The following HOMER1 variants were observed in gnomAD, a reference collection of about 807,000 sequenced individuals.
HOMER1 encodes homer scaffold protein 1, also known as homer protein homolog 1.
In HOMER1, 3 loss-of-function variants were observed where a neutral mutation model predicts 48.9. That is an observed-to-expected ratio of 0.06 (90% CI 0.03 to 0.16). The LOEUF (loss-of-function observed/expected upper bound fraction) is 0.16. HOMER1 is among the 10% of genes least tolerant of loss of function. The pLI is 1.00. For synonymous variants in HOMER1, 134 were observed against 146.4 expected, an observed-to-expected ratio of 0.92 and a Z score of 0.61; for missense variants, 247 against 411.4, an observed-to-expected ratio of 0.60 and a Z score of 3.46.
intron 6 of HOMER1, among the ~76,000 whole-genome samples, chr5:79,400,259 C>T (rs552298778): frequency 8.5e-5 from 13 of 152,206 alleles, no homozygotes; most frequent in South Asian, 4.1e-4. Context: ...TCCTTTCCCC[C>T]ACCTCTCTTA....
intron 1 of HOMER1, among the ~76,000 whole-genome samples, chr5:79,488,330 T>C (rs1167893737): frequency 6.6e-6 from 1 of 152,236 alleles, no homozygotes; most frequent in Non-Finnish European, 1.5e-5. Flanking sequence ...ATGCAGGAGA[T>C]TAATGCAGTA....
At chr5:79,425,548 C>T (rs35925077) in intron 5 of HOMER1, among the ~76,000 whole-genome samples, 38,540 of 151,858 alleles carry the variant, frequency 0.25, 6,025 homozygotes, top group East Asian at 0.75. Context: ...ACATGGGTTG[C>T]GAGACTTCGA....
chr5:79,471,925 T>A (rs1004233306), intron 1 of HOMER1, among the ~76,000 whole-genome samples: 1 of 152,188 alleles, frequency 6.6e-6, no homozygotes, highest in South Asian at 2.1e-4. Flanking sequence ...GGCTCAAATG[T>A]TACCTTCTCA....
intron 5 of HOMER1, among the ~76,000 whole-genome samples, chr5:79,404,318 T>C (rs1295306090): frequency 6.6e-6 from 1 of 152,206 alleles, no homozygotes; most frequent in Non-Finnish European, 1.5e-5. Flanking sequence ...TTCTATTATA[T>C]TTATGTGGGT....
chr5:79,459,065 G>A (rs189328311), intron 1 of HOMER1, among the ~76,000 whole-genome samples: 16 of 152,256 alleles, frequency 1.1e-4, no homozygotes, highest in Admixed American at 2.0e-4. Flanking sequence ...CATAAGGAAG[G>A]GAGGTAAGAC....
intron 1 of HOMER1, among the ~76,000 whole-genome samples, chr5:79,482,129 A>G (rs1233356308): frequency 6.6e-6 from 1 of 152,118 alleles, no homozygotes; most frequent in South Asian, 2.1e-4. Flanking sequence ...CTGAGGTGGG[A>G]GGACCACTTG....
intron 1 of HOMER1, among the ~76,000 whole-genome samples, chr5:79,499,515 T>C (rs1257841813): frequency 1.5e-3 from 2 of 1,374 alleles, no homozygotes; most frequent in African/African-American, 8.2e-3. Context: ...TTTGCTGTAA[T>C]TTGAAAAAAC....
At chr5:79,454,797 G>C (rs1013687771) in intron 2 of HOMER1, among the ~76,000 whole-genome samples, 1 of 152,006 alleles carries the variant, frequency 6.6e-6, no homozygotes, top group African/African-American at 2.4e-5. Context: ...AAAACACTAG[G>C]CAATAATCGC....
chr5:79,512,714 C>A, intron 1 of HOMER1, 56 bp downstream of exon 1: 2 of 1,547,934 alleles, frequency 1.3e-6, no homozygotes, highest in Non-Finnish European at 1.8e-6. Flanking sequence ...CACCACCGCT[C>A]AATAATACAC....
At chr5:79,413,209 G>A (rs953949033) in intron 5 of HOMER1, among the ~76,000 whole-genome samples, 1 of 152,058 alleles carries the variant, frequency 6.6e-6, no homozygotes. Context: ...AAGAGAAAGA[G>A]TACAGTTCAG....
intron 1 of HOMER1, among the ~76,000 whole-genome samples, chr5:79,467,156 T>C (rs1751488841): frequency 6.6e-6 from 1 of 151,884 alleles, no homozygotes; most frequent in Admixed American, 6.6e-5. Context: ...CCTAGCACTT[T>C]GGGAAGCTAA....
rs1291878932 is a variant in HOMER1, at chr5:79,391,142, GT to G, written c.876+5680del. On this transcript the variant is annotated intron_variant, in intron 8 of 8. Transcript: ENST00000334082. Reference sequence around the variant, plus strand: ...TCAAAATTTTGTGGGTTTTTTTTTTGTTTTTTTTTTTTTTGAGATAGGTCTT... The same window carrying G: ...TCAAAATTTTGTGGGTTTTTTTTTTGTTTTTTTTTTTTTGAGATAGGTCTT... Among the ~76,000 whole-genome samples the G allele has an allele frequency of 1.6e-3, 230 of 141,040 alleles. 3 individuals carry two copies. Among genetic ancestry groups the G allele is most frequent in the South Asian group, 0.013 (57 of 4,488 alleles). The allele number at this position is 141,040 out of a possible 152,430, so 92.5% of individuals were successfully genotyped here.
intron 1 of HOMER1, among the ~76,000 whole-genome samples, chr5:79,484,619 TATG>T (rs1752044292): frequency 6.6e-6 from 1 of 152,188 alleles, no homozygotes; most frequent in South Asian, 2.1e-4. Flanking sequence ...CAACAACCTA[TATG>T]ATGCTTATAA....
rs1749039882 is a variant in HOMER1 at position 79,383,776 on chromosome 5, A to C, written c.877-7579T>G. Reference sequence around the variant, plus strand: ...TTAAGCCACAAAACAAGTCTCAACAAATTTTTAAAAATCGAAATCGTATTA... The same window carrying C: ...TTAAGCCACAAAACAAGTCTCAACACATTTTTAAAAATCGAAATCGTATTA... On this transcript the variant is annotated intron_variant, in intron 8 of 8. Coordinates refer to ENST00000334082, the MANE Select transcript of HOMER1 (RefSeq NM_004272.5). Among the ~76,000 whole-genome samples the C allele has an allele frequency of 2.0e-5, 3 of 152,316 alleles. No homozygotes were observed. In the South Asian group the frequency reaches 6.2e-4, roughly 32 times the overall value.
intron 4 of HOMER1, among the ~76,000 whole-genome samples, chr5:79,440,820 T>A (rs563337551): frequency 5.3e-5 from 8 of 152,318 alleles, no homozygotes; most frequent in Admixed American, 5.2e-4. Flanking sequence ...ATGTGCAACC[T>A]GCTAAACAGT....
chr5:79,451,175 T>C, intron 2 of HOMER1, 54 bp from the exon 3 acceptor site: 1 of 1,585,442 alleles, frequency 6.3e-7, no homozygotes, highest in Non-Finnish European at 8.6e-7. Context: ...AACAGGCATT[T>C]AAATACAAGA....
intron 1 of HOMER1, among the ~76,000 whole-genome samples, chr5:79,482,567 T>G (rs376187840): frequency 2.0e-5 from 3 of 151,444 alleles, no homozygotes; most frequent in African/African-American, 7.3e-5. Flanking sequence ...TTTGATAAGA[T>G]AGAAATCAAA....
chr5:79,447,312 A>T (rs1473784590), intron 3 of HOMER1, among the ~76,000 whole-genome samples, 167 bp from the exon 4 acceptor site: 1 of 152,204 alleles, frequency 6.6e-6, no homozygotes, highest in Non-Finnish European at 1.5e-5. Context: ...ATGAAACCTA[A>T]TTCCAAACAG....
At chr5:79,495,937 C>T (rs1454111094) in intron 1 of HOMER1, among the ~76,000 whole-genome samples, 1 of 152,066 alleles carries the variant, frequency 6.6e-6, no homozygotes, top group Non-Finnish European at 1.5e-5. Context: ...TCTTCCTTTT[C>T]CAAAATTCCA....
Sources: gnomAD v4.1 joint callset for allele counts (sites outside exome capture counted in the v4.1 genomes callset) on GRCh38, gnomAD v4.1.1 for gene constraint, MANE v1.5 for transcripts, NCBI Gene and HGNC (gene_info 2026-07-23, HGNC 2026-07-21) for gene names.